Variants in HLCS observed in about 807,000 individuals in gnomAD.
The protein encoded by HLCS is biotin--protein ligase.
HLCS carries 53 observed loss-of-function variants against 75.0 expected under a neutral mutation model. The observed-to-expected ratio is 0.71, with a 90% confidence interval of 0.57 to 0.89. HLCS has a LOEUF of 0.89. Among genes scored for constraint, HLCS ranks in the 40% least tolerant of loss-of-function variants. The probability of loss-of-function intolerance (pLI) is 0.00; values close to 1 mark genes in which losing one functional copy is unlikely to be tolerated. For missense variants in HLCS, 966 were observed against 1,074.0 expected (o/e 0.90, Z 1.41); for synonymous variants, 431 against 428.6 (o/e 1.01, Z -0.07).
At chr21:36,952,221 A>G (rs1292029890) in intron 2 of HLCS, among the ~76,000 whole-genome samples, 1 of 152,128 alleles carries the variant, frequency 6.6e-6, no homozygotes, top group Non-Finnish European at 1.5e-5. Context: ...GAACCCCCCA[A>G]AATGCAAAAT....
At chr21:36,812,713 T>C (rs894596220) in intron 6 of HLCS, among the ~76,000 whole-genome samples, 2 of 151,886 alleles carry the variant, frequency 1.3e-5, no homozygotes, top group African/African-American at 4.8e-5. Context: ...ACAGAAAAAA[T>C]AGAGGAAAAA....
rs566088233 is a variant in HLCS, at chr21:36,751,830, G to A, written c.*2416C>T. 12 of 152,260 alleles carry A rather than the reference G, an allele frequency of 7.9e-5. No individual in the cohort carries two copies. The East Asian group carries it at 1.7e-3, about 22-fold the overall frequency. The allele number at this position is 152,260 out of a possible 1,614,324, so 9.4% of individuals were successfully genotyped here. On this transcript the variant is annotated 3_prime_UTR_variant, in exon 11 of 11. Transcript: ENST00000674895. ...ATCTTGCCTTTTACAAAATACGGTCGATACTCAATGCACAGCCTCTAAAAC... is the reference window on the plus strand; with the variant it reads ...ATCTTGCCTTTTACAAAATACGGTCAATACTCAATGCACAGCCTCTAAAAC...
rs778274205 is a variant in HLCS, at chr21:36,801,626, TA to T, written c.1893-34342del. Among the ~76,000 whole-genome samples the T allele has an allele frequency of 2.6e-5, 4 of 152,228 alleles. No homozygotes were observed. In the East Asian group the frequency reaches 7.7e-4, roughly 29 times the overall value. On this transcript the variant is annotated intron_variant, in intron 6 of 10. Transcript: ENST00000674895. ...TGGCAGTTCATCTTTTTATTATTAT[TA>T]ATGTTTCTAGCATGAATGGATCTCA...
chr21:36,910,295 G>A (rs150130117), intron 5 of HLCS, among the ~76,000 whole-genome samples: 1,583 of 152,188 alleles, frequency 0.01, 33 homozygotes, highest in African/African-American at 0.036. Flanking sequence ...CTGTAATCCC[G>A]GCACTTTGGG....
chr21:36,814,782 G>A (rs983572102), intron 6 of HLCS, among the ~76,000 whole-genome samples: 1 of 152,164 alleles, frequency 6.6e-6, no homozygotes, highest in Admixed American at 6.5e-5. Flanking sequence ...GTGGAGTCTG[G>A]AATTCTCCAT....
chr21:36,987,809 T>A (rs996549665), intron 1 of HLCS, among the ~76,000 whole-genome samples: 1 of 152,218 alleles, frequency 6.6e-6, no homozygotes, highest in Non-Finnish European at 1.5e-5. Flanking sequence ...AAGAATATCA[T>A]TATATTTACT....
At chr21:36,801,658 T>C (rs1002450527) in intron 6 of HLCS, among the ~76,000 whole-genome samples, 4 of 152,122 alleles carry the variant, frequency 2.6e-5, no homozygotes, top group Admixed American at 6.5e-5. Context: ...TCTCAGAGAG[T>C]CTATTAACTT....
chr21:36,840,836 C>T (rs2062591922), intron 6 of HLCS, among the ~76,000 whole-genome samples: 1 of 152,124 alleles, frequency 6.6e-6, no homozygotes, highest in Middle Eastern at 3.2e-3. Context: ...TGGTCTTGAA[C>T]TCTTGACCTC....
At position 36,798,165 on chromosome 21, in the gene HLCS, C is replaced by T. The variant is rs145357685; in HGVS notation, c.1893-30880G>A. ...AGCGTGTGCTTGACCTGAGGCCCAA[C>T]GAGGAGGCCCAGACCACTGGATGAA... is the stretch of plus-strand genomic sequence containing the variant. On this transcript the variant is annotated intron_variant, in intron 6 of 10. Transcript: ENST00000674895. Among the ~76,000 whole-genome samples the T allele has an allele frequency of 1.6e-4, 24 of 152,196 alleles. No homozygotes were observed. In the East Asian group the frequency reaches 4.6e-3, roughly 29 times the overall value.
chr21:36,939,456 G>A (rs1373730327), intron 2 of HLCS, among the ~76,000 whole-genome samples: 2 of 152,130 alleles, frequency 1.3e-5, no homozygotes, highest in South Asian at 2.1e-4. Context: ...TCAGAGTCCC[G>A]AGCACAACTC....
chr21:36,914,783 G>A (rs969355554), intron 5 of HLCS, among the ~76,000 whole-genome samples: 8 of 152,212 alleles, frequency 5.3e-5, no homozygotes, highest in Non-Finnish European at 1.0e-4. Flanking sequence ...AATGAGAGAC[G>A]CGAACTTCCA....
intron 1 of HLCS, among the ~76,000 whole-genome samples, chr21:36,964,810 GTTT>G (rs2068482978): frequency 6.6e-6 from 1 of 152,154 alleles, no homozygotes. Flanking sequence ...CCATCTCCAT[GTTT>G]TTATATGTCC....
At chr21:36,898,894 C>G (rs952666981) in intron 5 of HLCS, among the ~76,000 whole-genome samples, 1 of 151,990 alleles carries the variant, frequency 6.6e-6, no homozygotes, top group African/African-American at 2.4e-5. Flanking sequence ...AACCCTGTCT[C>G]TCCTAAAAAT....
chr21:36,783,737 C>T (rs1347771298), intron 6 of HLCS, among the ~76,000 whole-genome samples: 1 of 152,138 alleles, frequency 6.6e-6, no homozygotes, highest in Non-Finnish European at 1.5e-5. Context: ...TGCCAGATGT[C>T]GTTTTTAGCA....
intron 2 of HLCS, among the ~76,000 whole-genome samples, chr21:36,941,581 A>G (rs907515515): frequency 6.6e-6 from 1 of 152,352 alleles, no homozygotes; most frequent in East Asian, 1.9e-4. Flanking sequence ...CTGACGTGTA[A>G]AAGAATGAAC....
intron 6 of HLCS, among the ~76,000 whole-genome samples, chr21:36,822,071 A>G (rs997006419): frequency 6.6e-6 from 1 of 152,144 alleles, no homozygotes; most frequent in East Asian, 1.9e-4. Context: ...AGGCCTTGTA[A>G]AAGTAAGTTA....
chr21:36,803,697 TC>T (rs2061277905), intron 6 of HLCS, among the ~76,000 whole-genome samples: 1 of 151,460 alleles, frequency 6.6e-6, no homozygotes, highest in African/African-American at 2.4e-5. Context: ...AAAAAAAAAC[TC>T]ATAAGGTGAA....
At chr21:36,963,995 G>A (rs2068440577) in intron 1 of HLCS, among the ~76,000 whole-genome samples, 1 of 152,202 alleles carries the variant, frequency 6.6e-6, no homozygotes. Context: ...GCCAAGGTGG[G>A]CGGATCACCT....
At chr21:36,927,419 T>A (rs1032891677) in intron 5 of HLCS, among the ~76,000 whole-genome samples, 22 of 152,390 alleles carry the variant, frequency 1.4e-4, no homozygotes, top group Admixed American at 3.3e-4. Flanking sequence ...CTTGCTACTA[T>A]TCTTTCCAGT....
Sources: allele counts gnomAD v4.1 joint callset (sites outside exome capture counted in the v4.1 genomes callset), GRCh38; gene constraint gnomAD v4.1.1; transcripts MANE v1.5; gene names NCBI Gene and HGNC (gene_info 2026-07-23, HGNC 2026-07-21).